DMXL2: variants seen among roughly 807,000 people sequenced by gnomAD.
The protein encoded by DMXL2 is Dmx like 2, also known as dmX-like protein 2.
In DMXL2, 103 loss-of-function variants were observed where a neutral mutation model predicts 331.1. That is an observed-to-expected ratio of 0.31 (90% confidence interval 0.27 to 0.37). The LOEUF is 0.37. Among genes scored for constraint, DMXL2 ranks in the 10% least tolerant of loss-of-function variants. DMXL2 has a pLI of 1.00. For synonymous variants in DMXL2, 1,281 were observed against 1,252.1 expected (o/e 1.02, Z -0.49); for missense variants, 3,171 against 3,642.9 (o/e 0.87, Z 3.33).
intron 13 of DMXL2, among the ~76,000 whole-genome samples, chr15:51,535,280 A>C (rs1025846439): frequency 6.6e-6 from 1 of 152,194 alleles, no homozygotes; most frequent in African/African-American, 2.4e-5. Context: ...AAAATGGTGA[A>C]TCAAGCTTGA....
chr15:51,595,563 A>G (rs2052735123), intron 1 of DMXL2, among the ~76,000 whole-genome samples: 1 of 152,230 alleles, frequency 6.6e-6, no homozygotes, highest in African/African-American at 2.4e-5. Flanking sequence ...GAATTGGAAA[A>G]AACTACTTTA....
Position 51,499,463 on chromosome 15 carries a change from C to G in DMXL2, c.3761G>C (p.Trp1254Ser). The G allele has an allele frequency of 1.2e-6, 2 of 1,613,902 alleles. No individual in the cohort carries two copies. Among genetic ancestry groups the G allele is most frequent in the Non-Finnish European group, 1.7e-6 (2 of 1,179,942 alleles). ...TACCACCAATATCCCATCTCTTACC[C>G]AAGAGAGAGAAACAGGCAGTGAAGG... is the stretch of plus-strand genomic sequence containing the variant. ...GTPSLPVSLS[W>S]VRDGILVVGM... The change falls in exon 18 of 44, where the codon TGG (tryptophan) becomes TCG (serine). Residue 1254 changes from tryptophan to serine, a missense_variant. Around this residue, in one of 7 missense-constraint regions of DMXL2, gnomAD observed 1,674 missense variants for 1,780.2 expected, o/e 0.94. Transcript: ENST00000560891.
At chr15:51,578,544 C>T (rs907219042) in intron 1 of DMXL2, among the ~76,000 whole-genome samples, 4 of 152,152 alleles carry the variant, frequency 2.6e-5, no homozygotes, top group African/African-American at 9.7e-5. Flanking sequence ...GAAACACAGA[C>T]TGCTCAGTCC....
intron 5 of DMXL2, 144 bp downstream of exon 5, chr15:51,563,981 G>T (rs1183449592): frequency 5.3e-6 from 4 of 749,322 alleles, no homozygotes; most frequent in Non-Finnish European, 8.5e-6. Flanking sequence ...GCTATTATAT[G>T]GGTTTTGGTT....
intron 6 of DMXL2, among the ~76,000 whole-genome samples, chr15:51,554,382 C>A (rs952956800): frequency 1.3e-5 from 2 of 151,942 alleles, no homozygotes; most frequent in Non-Finnish European, 2.9e-5. Flanking sequence ...TTTTAAAGAT[C>A]CAAAGTTTTA....
In DMXL2 at chr15:51,536,988, C is replaced by T. The variant is rs2048324442; in HGVS notation, c.1618-126G>A. The stretch of plus-strand genomic sequence containing the variant: ...ATGTCATTTTCAACCTCTTTATGGT[C>T]CAGTCCCCTTGCTCTATTTAGGTAA... On this transcript the variant is annotated intron_variant, in intron 11 of 43. Transcript: ENST00000560891. 22 of 783,202 alleles carry T rather than the reference C, an allele frequency of 2.8e-5. 1 individual carries two copies. The South Asian group carries it at 4.0e-4, about 14-fold the overall frequency. 48.5% of individuals were successfully genotyped at this position (783,202 alleles called of 1,614,324 possible). A position where few individuals can be genotyped will look rare whatever the true frequency, so the allele number is the denominator to read the frequency against.
At chr15:51,521,005 A>G (rs936966309) in intron 13 of DMXL2, among the ~76,000 whole-genome samples, 3 of 152,230 alleles carry the variant, frequency 2.0e-5, no homozygotes, top group African/African-American at 7.2e-5. Context: ...AGTGATTTTT[A>G]GCAAAATTGC....
At chr15:51,587,653 G>C (rs1349462162) in intron 1 of DMXL2, among the ~76,000 whole-genome samples, 1 of 152,216 alleles carries the variant, frequency 6.6e-6, no homozygotes, top group East Asian at 1.9e-4. Context: ...CTTTATAGCA[G>C]CATGATTTAT....
chr15:51,519,534 G>A (rs1337399278), intron 13 of DMXL2, among the ~76,000 whole-genome samples: 2 of 151,570 alleles, frequency 1.3e-5, no homozygotes, highest in Admixed American at 1.3e-4. Context: ...CCAGAAATTG[G>A]ACTAATTATA....
intron 34 of DMXL2, 100 bp downstream of exon 34, chr15:51,459,498 G>GTAGT: frequency 3.1e-6 from 3 of 968,506 alleles, no homozygotes; most frequent in South Asian, 1.4e-5. Flanking sequence ...AGTTCTCTGA[G>GTAGT]TAGTTAGCCA....
intron 20 of DMXL2, among the ~76,000 whole-genome samples, chr15:51,490,731 T>G (rs1228392954): frequency 6.6e-6 from 1 of 152,198 alleles, no homozygotes; most frequent in Non-Finnish European, 1.5e-5. Context: ...TGAATTTTTT[T>G]CCTAAAAGGA....
chr15:51,488,990 C>T (rs529994990), intron 20 of DMXL2, among the ~76,000 whole-genome samples: 1 of 152,056 alleles, frequency 6.6e-6, no homozygotes, highest in Non-Finnish European at 1.5e-5. Context: ...GTGACTGAGA[C>T]AGAAAGGTTA....
intron 9 of DMXL2, among the ~76,000 whole-genome samples, chr15:51,539,181 G>A (rs2048450935): frequency 6.6e-6 from 1 of 151,572 alleles, no homozygotes; most frequent in South Asian, 2.1e-4. Context: ...CTGCACTCCA[G>A]CCTGTGTGAC....
rs758906990 is a variant in DMXL2 at position 51,457,157 on chromosome 15, G to GCCAGAC, written c.8337+165_8337+170dup. 1,357 of 744,674 alleles carry GCCAGAC rather than the reference G, an allele frequency of 1.8e-3. 3 individuals are homozygous for GCCAGAC. Among genetic ancestry groups the GCCAGAC allele is most frequent in the Non-Finnish European group, 2.4e-3 (1,137 of 480,514 alleles). 46.1% of individuals were successfully genotyped at this position (744,674 alleles called of 1,614,324 possible). The stretch of plus-strand genomic sequence containing the variant: ...ACTGCACTCCAGCCTGCGCGACAGA[G>GCCAGAC]CCAGACCCTGTCACCAAATAAAAAA... On this transcript the variant is annotated intron_variant, in intron 37 of 43. Transcript: ENST00000560891.
At chr15:51,482,378 C>T (rs1346385526) in intron 23 of DMXL2, among the ~76,000 whole-genome samples, 1 of 152,024 alleles carries the variant, frequency 6.6e-6, no homozygotes, top group Non-Finnish European at 1.5e-5. Flanking sequence ...ATGTTCATGC[C>T]ATGAGAATCC....
chr15:51,544,414 C>G (rs112251096), intron 8 of DMXL2, among the ~76,000 whole-genome samples: 21 of 152,252 alleles, frequency 1.4e-4, no homozygotes, highest in Non-Finnish European at 2.6e-4. Context: ...TGTGGCCTCC[C>G]TAGAAGCCAA....
In DMXL2 at chr15:51,473,550, C is replaced by G. The variant is rs2041310627; in HGVS notation, c.7213+794G>C. ...TCCCTTACAATGACTTACACAGGAA[C>G]CTATTTATTTAACTCAATCACAGAC... On this transcript the variant is annotated intron_variant, in intron 28 of 43. Transcript: ENST00000560891. Among the ~76,000 whole-genome samples the G allele has an allele frequency of 2.0e-5, 3 of 152,218 alleles. No homozygotes were observed. In the South Asian group the frequency reaches 6.2e-4, roughly 32 times the overall value.
chr15:51,466,606 A>T (rs1210630383), intron 29 of DMXL2: 1 of 152,354 alleles, frequency 6.6e-6, no homozygotes, highest in East Asian at 1.9e-4. Flanking sequence ...CTTATAGATC[A>T]GCAATAAATA....
chr15:51,475,383 A>G (rs1005206335), intron 27 of DMXL2, among the ~76,000 whole-genome samples: 1 of 152,146 alleles, frequency 6.6e-6, no homozygotes, highest in African/African-American at 2.4e-5. Context: ...AGTCCCAGCT[A>G]CTCAGGAGGC....
Sources: allele counts gnomAD v4.1 joint callset (sites outside exome capture counted in the v4.1 genomes callset), GRCh38; gene constraint gnomAD v4.1.1; regional missense constraint gnomAD v4.1.1; transcripts MANE v1.5; gene names NCBI Gene and HGNC (gene_info 2026-07-23, HGNC 2026-07-21).